DPP10: variants seen among roughly 807,000 people sequenced by gnomAD.
DPP10 encodes the protein inactive dipeptidyl peptidase 10.
A neutral mutation model predicts 120.9 loss-of-function variants in DPP10; 33 were observed. That is an observed-to-expected ratio of 0.27 (90% CI 0.21 to 0.37). The LOEUF (loss-of-function observed/expected upper bound fraction) is 0.37, where lower values mean the gene tolerates loss of function less well. Ranked by LOEUF, DPP10 falls within the 10% of genes least tolerant of loss-of-function variation. The pLI is 1.00. For missense variants in DPP10, 816 were observed against 942.8 expected (o/e 0.87, Z 1.76); for synonymous variants, 337 against 326.1 (o/e 1.03, Z -0.36).
chr2:115,252,455 A>G (rs2058796598), intron 1 of DPP10, among the ~76,000 whole-genome samples: 1 of 152,206 alleles, frequency 6.6e-6, no homozygotes. Context: ...TATCTGAAAT[A>G]ATTGCCAAGC....
At chr2:115,532,607 T>C (rs1309035629) in intron 5 of DPP10, among the ~76,000 whole-genome samples, 1 of 152,074 alleles carries the variant, frequency 6.6e-6, no homozygotes, top group African/African-American at 2.4e-5. Context: ...ATTTTATTTT[T>C]GTATTTGCAT....
intron 3 of DPP10, among the ~76,000 whole-genome samples, chr2:115,494,639 A>G (rs2076298039): frequency 6.6e-6 from 1 of 152,076 alleles, no homozygotes; most frequent in South Asian, 2.1e-4. Context: ...AACCCTTCCT[A>G]GATTTATTTG....
intron 1 of DPP10, among the ~76,000 whole-genome samples, chr2:114,792,589 T>C (rs978463416): frequency 1.3e-5 from 2 of 152,196 alleles, no homozygotes; most frequent in African/African-American, 4.8e-5. Flanking sequence ...CTGATAAGAA[T>C]GCCTCATTGC....
intron 1 of DPP10, among the ~76,000 whole-genome samples, chr2:114,688,342 T>C (rs556260414): frequency 2.8e-4 from 43 of 151,986 alleles, no homozygotes; most frequent in Admixed American, 5.9e-4. Flanking sequence ...AGTAGAGTAA[T>C]AATTCTCTTC....
chr2:115,079,208 G>A (rs1559067986), intron 1 of DPP10, among the ~76,000 whole-genome samples: 1 of 152,030 alleles, frequency 6.6e-6, no homozygotes, highest in African/African-American at 2.4e-5. Context: ...GTGAAACCCC[G>A]TCTCTACTAA....
chr2:115,382,472 G>A (rs2066470715), intron 3 of DPP10, among the ~76,000 whole-genome samples: 1 of 152,270 alleles, frequency 6.6e-6, no homozygotes, highest in South Asian at 2.1e-4. Context: ...ACTTCCTATT[G>A]AGATGAACCT....
chr2:114,575,348 A>G (rs1231211693), intron 1 of DPP10, among the ~76,000 whole-genome samples: 1 of 152,138 alleles, frequency 6.6e-6, no homozygotes, highest in East Asian at 1.9e-4. Context: ...TTCATAACCT[A>G]TATAGAAAAA....
intron 1 of DPP10, among the ~76,000 whole-genome samples, chr2:115,235,911 T>C (rs1468581391): frequency 6.6e-6 from 1 of 152,188 alleles, no homozygotes; most frequent in East Asian, 1.9e-4. Flanking sequence ...ATGGAGGATG[T>C]CCTTATGGCT....
At position 115,842,606 on chromosome 2, in the gene DPP10, A is replaced by G. The variant is rs1345570256; in HGVS notation, c.*261A>G. On this transcript the variant is annotated 3_prime_UTR_variant, in exon 26 of 26. Coordinates refer to ENST00000410059, the MANE Select transcript of DPP10 (RefSeq NM_020868.6). ...GGAGAAATTAGTTTTGCATTAAAGT[A>G]GGAGTAGTGCATGTTTTCTTCTGTT... 1 of 299,038 alleles carries G rather than the reference A, an allele frequency of 3.3e-6. No individual in the cohort carries two copies. The highest frequency in any genetic ancestry group is 6.2e-6 in the Non-Finnish European group (1 of 160,292). 18.5% of individuals were successfully genotyped at this position (299,038 alleles called of 1,614,324 possible). A position where few individuals can be genotyped will look rare whatever the true frequency, so the allele number is the denominator to read the frequency against.
At chr2:115,747,594 C>CT (rs3980905) in intron 10 of DPP10, among the ~76,000 whole-genome samples, 15,766 of 141,142 alleles carry the variant, frequency 0.11, 1,048 homozygotes, top group African/African-American at 0.16. Context: ...ATCCCCTTGT[C>CT]TTTTTTTTTT....
chr2:115,800,638 T>C (rs1205393110), intron 19 of DPP10, among the ~76,000 whole-genome samples: 1 of 152,176 alleles, frequency 6.6e-6, no homozygotes, highest in African/African-American at 2.4e-5. Flanking sequence ...GGATCCAGTT[T>C]CAGCTTTCTA....
intron 1 of DPP10, among the ~76,000 whole-genome samples, chr2:114,777,662 T>C (rs1228432461): frequency 1.3e-5 from 2 of 152,074 alleles, no homozygotes; most frequent in Non-Finnish European, 2.9e-5. Flanking sequence ...AAGTAGTATT[T>C]AAATCCTCAT....
chr2:115,688,103 G>A (rs2091107593), intron 5 of DPP10, among the ~76,000 whole-genome samples: 1 of 151,924 alleles, frequency 6.6e-6, no homozygotes, highest in African/African-American at 2.4e-5. Context: ...GTCAGCTCTG[G>A]TAGTAAATTC....
intron 19 of DPP10, among the ~76,000 whole-genome samples, chr2:115,802,418 G>A (rs1343978394): frequency 1.3e-5 from 2 of 152,090 alleles, no homozygotes; most frequent in Non-Finnish European, 2.9e-5. Context: ...GGTTTTTTGT[G>A]TCTCTATTTC....
chr2:115,588,863 T>G (rs2082452317), intron 5 of DPP10, among the ~76,000 whole-genome samples: 2 of 152,178 alleles, frequency 1.3e-5, no homozygotes, highest in African/African-American at 4.8e-5. Flanking sequence ...ACAATTATAG[T>G]TAGGGCAAAT....
intron 1 of DPP10, among the ~76,000 whole-genome samples, chr2:114,561,433 A>G (rs528957142): frequency 6.6e-6 from 1 of 152,058 alleles, no homozygotes; most frequent in Admixed American, 6.6e-5. Context: ...GCACATAAAC[A>G]CCCACACACG....
chr2:115,270,105 CACACACACAG>C (rs1559342923), intron 1 of DPP10, among the ~76,000 whole-genome samples: 3 of 147,714 alleles, frequency 2.0e-5, no homozygotes, highest in South Asian at 4.3e-4. Context: ...CACACACACA[CACACACACAG>C]ACACACACAC....
At chr2:115,563,164 A>G (rs933489854) in intron 5 of DPP10, among the ~76,000 whole-genome samples, 3 of 152,222 alleles carry the variant, frequency 2.0e-5, no homozygotes, top group Admixed American at 6.5e-5. Flanking sequence ...GCACTGTGAC[A>G]TTATGATTGT....
chr2:115,261,164 G>A (rs2059235031), intron 1 of DPP10, among the ~76,000 whole-genome samples: 1 of 152,190 alleles, frequency 6.6e-6, no homozygotes, highest in African/African-American at 2.4e-5. Context: ...AAAACGCAGA[G>A]CATGTCTTGC....
Sources: gnomAD v4.1 joint callset for allele counts (sites outside exome capture counted in the v4.1 genomes callset) on GRCh38, gnomAD v4.1.1 for gene constraint, MANE v1.5 for transcripts, NCBI Gene and HGNC (gene_info 2026-07-23, HGNC 2026-07-21) for gene names.